The following FSTL5 variants were observed in gnomAD, a reference collection of about 807,000 sequenced individuals.
The protein encoded by FSTL5 is follistatin-related protein 5.
Under a neutral mutation model 89.1 loss-of-function variants are expected in FSTL5, and 62 were observed. That is an observed-to-expected ratio of 0.70 (90% CI 0.57 to 0.86). FSTL5 has a LOEUF of 0.86. Ranked by LOEUF, FSTL5 falls within the 40% of genes least tolerant of loss-of-function variation. The pLI is 0.00. For missense variants in FSTL5, 1,057 were observed against 1,001.6 expected (o/e 1.06, Z -0.75); for synonymous variants, 383 against 346.2 (o/e 1.11, Z -1.18).
chr4:161,458,626 G>A (rs777652640), intron 14 of FSTL5, among the ~76,000 whole-genome samples: 18 of 152,194 alleles, frequency 1.2e-4, no homozygotes, highest in Non-Finnish European at 2.4e-4. Flanking sequence ...CATTTCCAGG[G>A]CCAAAAACTC....
At chr4:162,000,878 G>C (rs142061532) in intron 3 of FSTL5, among the ~76,000 whole-genome samples, 2 of 152,070 alleles carry the variant, frequency 1.3e-5, no homozygotes, top group Non-Finnish European at 2.9e-5. Context: ...ATGGGAGAGA[G>C]AAGAAGGGAT....
intron 11 of FSTL5, among the ~76,000 whole-genome samples, 182 bp from the exon 12 acceptor site, chr4:161,500,316 A>G (rs1730252659): frequency 6.6e-6 from 1 of 152,140 alleles, no homozygotes; most frequent in East Asian, 1.9e-4. Context: ...TTATGCAGAC[A>G]TTACACTTCA....
intron 6 of FSTL5, among the ~76,000 whole-genome samples, chr4:161,681,191 C>T (rs575457414): frequency 1.3e-5 from 2 of 152,102 alleles, no homozygotes; most frequent in South Asian, 2.1e-4. Context: ...AATTATTAAA[C>T]TAAATATGTT....
rs1737007697 is a variant in FSTL5, at chr4:161,669,215, C to A, written c.728-12721G>T. Among the ~76,000 whole-genome samples, 5 of 151,874 alleles carry A rather than the reference C, an allele frequency of 3.3e-5. No individual in the cohort carries two copies. In the South Asian group the frequency reaches 1.0e-3, roughly 32 times the overall value. ...CAAAAACTCAGTATTATCAAGATATCAGTTTTTCTCCACTCCATCTTTAAA... is the reference window on the plus strand; with the variant it reads ...CAAAAACTCAGTATTATCAAGATATAAGTTTTTCTCCACTCCATCTTTAAA... On this transcript the variant is annotated intron_variant, in intron 6 of 15. Coordinates refer to ENST00000306100, the MANE Select transcript of FSTL5 (RefSeq NM_020116.5).
chr4:162,114,698 T>C (rs1731570892), intron 1 of FSTL5, among the ~76,000 whole-genome samples: 1 of 152,172 alleles, frequency 6.6e-6, no homozygotes, highest in African/African-American at 2.4e-5. Context: ...AGATCAACAT[T>C]ATCCTGAAAT....
Position 161,739,700 on chromosome 4 carries a change from A to C in FSTL5, c.727+19711T>G, listed in dbSNP as rs146037622. Among the ~76,000 whole-genome samples, 81 of 152,250 alleles carry C rather than the reference A, an allele frequency of 5.3e-4. 1 individual carries two copies. In the East Asian group the frequency reaches 0.015, roughly 28 times the overall value. Reference sequence around the variant, plus strand: ...ACCCAAAGGCAAAGGTAAACACCTTAGTAAGATGTCCAGTGAAATGTGAAA... The same window carrying C: ...ACCCAAAGGCAAAGGTAAACACCTTCGTAAGATGTCCAGTGAAATGTGAAA... On this transcript the variant is annotated intron_variant, in intron 6 of 15. Coordinates refer to ENST00000306100, the MANE Select transcript of FSTL5 (RefSeq NM_020116.5).
intron 12 of FSTL5, among the ~76,000 whole-genome samples, chr4:161,492,821 G>A (rs7671756): frequency 0.026 from 3,991 of 151,718 alleles, 174 homozygotes; most frequent in African/African-American, 0.09. Flanking sequence ...ATTTCCATGT[G>A]GACAACATGG....
intron 6 of FSTL5, among the ~76,000 whole-genome samples, chr4:161,672,286 T>G (rs192140456): frequency 2.6e-5 from 4 of 152,150 alleles, no homozygotes; most frequent in Admixed American, 6.6e-5. Flanking sequence ...ATACTTTCTG[T>G]GCCCCTTTAA....
intron 3 of FSTL5, among the ~76,000 whole-genome samples, chr4:161,942,418 T>G (rs1409268169): frequency 6.6e-6 from 1 of 151,950 alleles, no homozygotes; most frequent in Non-Finnish European, 1.5e-5. Flanking sequence ...AGATTCAAAT[T>G]ATTAAATTCA....
intron 3 of FSTL5, among the ~76,000 whole-genome samples, chr4:161,954,644 G>A (rs1734981096): frequency 6.6e-6 from 1 of 151,494 alleles, no homozygotes; most frequent in Non-Finnish European, 1.5e-5. Flanking sequence ...CTATCATCAT[G>A]CTACACTTGG....
intron 3 of FSTL5, among the ~76,000 whole-genome samples, chr4:161,994,990 T>C (rs1010654947): frequency 4.6e-5 from 7 of 152,176 alleles, no homozygotes; most frequent in African/African-American, 1.7e-4. Flanking sequence ...ATTGCCTAGG[T>C]TGTCTTCCAG....
intron 2 of FSTL5, among the ~76,000 whole-genome samples, chr4:162,070,200 A>AT (rs1579003409): frequency 1.3e-5 from 2 of 151,230 alleles, no homozygotes; most frequent in Non-Finnish European, 3.0e-5. Flanking sequence ...TTTTAATGGG[A>AT]TTTTTTGTTT....
intron 8 of FSTL5, among the ~76,000 whole-genome samples, chr4:161,574,443 C>T (rs762924999): frequency 5.3e-5 from 8 of 151,444 alleles, no homozygotes; most frequent in Non-Finnish European, 1.2e-4. Flanking sequence ...TTTGCTGCAC[C>T]TATCAACCCA....
At chr4:161,834,669 G>C (rs1174308059) in intron 4 of FSTL5, among the ~76,000 whole-genome samples, 16 of 152,164 alleles carry the variant, frequency 1.1e-4, no homozygotes, top group African/African-American at 3.1e-4. Context: ...CAGACAAACA[G>C]AGAGCCAAAT....
At chr4:161,453,189 C>A (rs895274632) in intron 15 of FSTL5, among the ~76,000 whole-genome samples, 1 of 152,084 alleles carries the variant, frequency 6.6e-6, no homozygotes, top group Non-Finnish European at 1.5e-5. Context: ...TAGTGTCATA[C>A]ACACTAAAAT....
intron 5 of FSTL5, among the ~76,000 whole-genome samples, chr4:161,764,415 C>T (rs1821471): frequency 0.21 from 31,753 of 151,838 alleles, 6,109 homozygotes; most frequent in African/African-American, 0.51. Flanking sequence ...CCCACCACCA[C>T]GCCCAGCTAA....
intron 4 of FSTL5, among the ~76,000 whole-genome samples, chr4:161,868,384 C>G (rs1457348889): frequency 2.6e-5 from 4 of 152,160 alleles, no homozygotes; most frequent in Admixed American, 2.6e-4. Flanking sequence ...CAGCTAACAT[C>G]TCTTGTAGAT....
chr4:161,584,713 T>C (rs1043776129), intron 8 of FSTL5, among the ~76,000 whole-genome samples: 1 of 152,216 alleles, frequency 6.6e-6, no homozygotes, highest in African/African-American at 2.4e-5. Context: ...GAAAGGTTAA[T>C]AATTGCACAC....
chr4:161,463,604 C>T (rs576532731), intron 13 of FSTL5, among the ~76,000 whole-genome samples: 61 of 152,246 alleles, frequency 4.0e-4, no homozygotes, highest in African/African-American at 1.4e-3. Context: ...CTGGATTTTA[C>T]AAAATACCTG....
Sources: gnomAD v4.1 joint callset for allele counts (sites outside exome capture counted in the v4.1 genomes callset) on GRCh38, gnomAD v4.1.1 for gene constraint, MANE v1.5 for transcripts, NCBI Gene and HGNC (gene_info 2026-07-23, HGNC 2026-07-21) for gene names.